DOCK3: variants seen among roughly 807,000 people sequenced by gnomAD.
The protein encoded by DOCK3 is dedicator of cytokinesis 3, also known as dedicator of cytokinesis protein 3.
A neutral mutation model predicts 265.6 loss-of-function variants in DOCK3; 60 were observed. The ratio of observed to expected loss-of-function variants is 0.23; its 90% CI spans 0.18 to 0.28. DOCK3 has a LOEUF of 0.28. Among genes scored for constraint, DOCK3 ranks in the 10% least tolerant of loss-of-function variants. The pLI is 1.00. For synonymous variants in DOCK3, 881 were observed against 938.0 expected (o/e 0.94, Z 1.11); for missense variants, 1,981 against 2,594.3 (o/e 0.76, Z 5.14).
At chr3:51,320,915 C>T (rs1296422881) in intron 32 of DOCK3, among the ~76,000 whole-genome samples, 1 of 152,206 alleles carries the variant, frequency 6.6e-6, no homozygotes, top group Non-Finnish European at 1.5e-5. Context: ...CAGACTTAAA[C>T]GTCCCTGCCT....
chr3:50,788,958 TTTTG>T (rs1378132395), intron 2 of DOCK3, among the ~76,000 whole-genome samples: 47 of 152,382 alleles, frequency 3.1e-4, no homozygotes, highest in Admixed American at 2.8e-3. Flanking sequence ...ATTGTTTCTT[TTTTG>T]TTTGTTTGTT....
chr3:50,902,935 T>C (rs1575488139), intron 4 of DOCK3, among the ~76,000 whole-genome samples: 1 of 152,204 alleles, frequency 6.6e-6, no homozygotes, highest in Non-Finnish European at 1.5e-5. Flanking sequence ...TTTGTAGCAG[T>C]TGTGAATGAG....
intron 9 of DOCK3, among the ~76,000 whole-genome samples, chr3:51,092,632 CG>C (rs767570618): frequency 1.3e-5 from 2 of 151,456 alleles, no homozygotes; most frequent in Non-Finnish European, 2.9e-5. Context: ...AAGAGAGCAG[CG>C]GACCTCCTAG....
intron 5 of DOCK3, among the ~76,000 whole-genome samples, chr3:51,009,183 G>T (rs2078825424): frequency 6.6e-6 from 1 of 152,172 alleles, no homozygotes; most frequent in South Asian, 2.1e-4. Flanking sequence ...AATAGTTTCA[G>T]AAGGAATGGT....
intron 23 of DOCK3, among the ~76,000 whole-genome samples, chr3:51,261,111 A>G (rs1414156323): frequency 1.3e-5 from 2 of 152,078 alleles, no homozygotes; most frequent in African/African-American, 4.8e-5. Flanking sequence ...TTAAATTAGG[A>G]TCAGAGGGCT....
intron 12 of DOCK3, among the ~76,000 whole-genome samples, chr3:51,176,298 C>G (rs2086947489): frequency 6.6e-6 from 1 of 151,850 alleles, no homozygotes; most frequent in Non-Finnish European, 1.5e-5. Context: ...TTCTTCTGCT[C>G]CTCCTCCAAA....
At chr3:50,919,126 G>GT (rs1305967371) in intron 4 of DOCK3, among the ~76,000 whole-genome samples, 2 of 152,082 alleles carry the variant, frequency 1.3e-5, no homozygotes, top group African/African-American at 4.8e-5. Flanking sequence ...CTATATCTCT[G>GT]TTTGGTACCA....
At chr3:50,908,724 C>G (rs139981241) in intron 4 of DOCK3, among the ~76,000 whole-genome samples, 2 of 152,174 alleles carry the variant, frequency 1.3e-5, no homozygotes, top group African/African-American at 4.8e-5. Context: ...CTGTAGATAT[C>G]GATCAGGTTC....
chr3:50,766,171 G>A (rs1360836481), intron 1 of DOCK3, among the ~76,000 whole-genome samples: 3 of 151,856 alleles, frequency 2.0e-5, no homozygotes, highest in East Asian at 1.9e-4. Flanking sequence ...TGTGCACAAC[G>A]TGTAGGTTTG....
chr3:50,742,139 T>C (rs2039083837), intron 1 of DOCK3, among the ~76,000 whole-genome samples: 2 of 152,142 alleles, frequency 1.3e-5, no homozygotes, highest in African/African-American at 4.8e-5. Context: ...GAGGGTCCTG[T>C]CTGTTAGAAG....
At chr3:51,003,301 G>T (rs2078551133) in intron 5 of DOCK3, among the ~76,000 whole-genome samples, 1 of 152,214 alleles carries the variant, frequency 6.6e-6, no homozygotes, top group Non-Finnish European at 1.5e-5. Context: ...TCTGTAGTCT[G>T]TAGGCTGGTT....
intron 2 of DOCK3, among the ~76,000 whole-genome samples, chr3:50,840,718 G>A (rs2045782391): frequency 6.6e-6 from 1 of 152,194 alleles, no homozygotes; most frequent in South Asian, 2.1e-4. Context: ...ACTGTAAAGT[G>A]TCACATTGGT....
chr3:51,335,765 G>C (rs370687086), intron 35 of DOCK3, among the ~76,000 whole-genome samples: 2 of 152,198 alleles, frequency 1.3e-5, no homozygotes, highest in South Asian at 2.1e-4. Flanking sequence ...ACCAAGGCAG[G>C]CAAATTGCTT....
chr3:51,074,267 TA>T (rs1282722440), intron 6 of DOCK3, among the ~76,000 whole-genome samples: 1 of 152,172 alleles, frequency 6.6e-6, no homozygotes, highest in Non-Finnish European at 1.5e-5. Flanking sequence ...ATCCGTGTCA[TA>T]AGCAGTTTCA....
At chr3:50,683,713 T>C (rs543779621) in intron 1 of DOCK3, among the ~76,000 whole-genome samples, 4 of 152,288 alleles carry the variant, frequency 2.6e-5, no homozygotes, top group African/African-American at 9.6e-5. Context: ...ATATCAGCAT[T>C]GAAAAGATGT....
intron 5 of DOCK3, among the ~76,000 whole-genome samples, chr3:50,946,077 A>C (rs943346665): frequency 9.4e-5 from 12 of 127,316 alleles, no homozygotes; most frequent in Non-Finnish European, 1.9e-4. Flanking sequence ...TGGGCAATAG[A>C]GTGAAACCCC....
At chr3:50,711,761 G>C (rs1231293857) in intron 1 of DOCK3, among the ~76,000 whole-genome samples, 1 of 152,126 alleles carries the variant, frequency 6.6e-6, no homozygotes, top group Non-Finnish European at 1.5e-5. Context: ...TTAATTATTT[G>C]AATGTTTGGT....
At chr3:51,290,097 C>G (rs2109131300) in intron 27 of DOCK3, among the ~76,000 whole-genome samples, 1 of 152,300 alleles carries the variant, frequency 6.6e-6, no homozygotes, top group African/African-American at 2.4e-5. Context: ...GGACTGTAAA[C>G]TGGTTCAACC....
At chr3:50,947,225 A>G (rs536143249) in intron 5 of DOCK3, among the ~76,000 whole-genome samples, 17 of 152,278 alleles carry the variant, frequency 1.1e-4, no homozygotes, top group Admixed American at 2.0e-4. Context: ...TTTCTTCAAA[A>G]TGTGATTTAT....
Sources: allele counts gnomAD v4.1 joint callset (sites outside exome capture counted in the v4.1 genomes callset), GRCh38; gene constraint gnomAD v4.1.1; transcripts MANE v1.5; gene names NCBI Gene and HGNC (gene_info 2026-07-23, HGNC 2026-07-21).